Variants in FAT3 observed in about 807,000 individuals in gnomAD.
FAT3 encodes the protein protocadherin Fat 3.
Under a neutral mutation model 310.2 loss-of-function variants are expected in FAT3, and 95 were observed. The observed-to-expected ratio is 0.31, with a 90% CI of 0.26 to 0.36. The LOEUF (loss-of-function observed/expected upper bound fraction) is 0.36. FAT3 is among the 10% of genes least tolerant of loss of function. FAT3 has a pLI of 1.00. For missense variants in FAT3, 5,408 were observed against 5,715.6 expected (o/e 0.95, Z 1.74); for synonymous variants, 2,314 against 2,192.9 (o/e 1.06, Z -1.54).
chr11:92,754,626 T>A (rs1420622299), intron 4 of FAT3, among the ~76,000 whole-genome samples: 2 of 16,686 alleles, frequency 1.2e-4, no homozygotes, highest in African/African-American at 1.0e-3. Flanking sequence ...AGACTCTGCC[T>A]CAAAAAAAAA....
At chr11:92,887,809 C>T (rs975260949) in intron 25 of FAT3, among the ~76,000 whole-genome samples, 9 of 152,008 alleles carry the variant, frequency 5.9e-5, no homozygotes, top group African/African-American at 2.2e-4. Context: ...GGTTGTTCTC[C>T]CCAGGGCAGG....
At chr11:92,358,375 C>T (rs1432899321) in intron 2 of FAT3, among the ~76,000 whole-genome samples, 1 of 152,108 alleles carries the variant, frequency 6.6e-6, no homozygotes, top group East Asian at 1.9e-4. Flanking sequence ...ACCCACATCT[C>T]CTCAATCCTA....
chr11:92,368,901 CATAT>C (rs55858349), intron 2 of FAT3, among the ~76,000 whole-genome samples: 1 of 140,544 alleles, frequency 7.1e-6, no homozygotes, highest in African/African-American at 2.7e-5. Flanking sequence ...TACACACACA[CATAT>C]ATATATACAC....
In FAT3 at chr11:92,255,232, G is replaced by T. The variant is rs113323211; in HGVS notation, c.-18+30058G>T. Among the ~76,000 whole-genome samples the T allele has an allele frequency of 1.1e-4, 17 of 151,576 alleles. 1 individual carries two copies. Among genetic ancestry groups the T allele is most frequent in the African/African-American group, 3.6e-4 (15 of 41,298 alleles). On this transcript the variant is annotated intron_variant, in intron 1 of 27. Coordinates refer to ENST00000525166, the MANE Select transcript of FAT3 (RefSeq NM_001367949.2). ...GTGTCCCCTCACAGGCCCCTCCCTG[G>T]GTTTGTAGCAGTGATCCTAACTTTA...
intron 3 of FAT3, among the ~76,000 whole-genome samples, chr11:92,598,338 G>C (rs1344658139): frequency 6.6e-6 from 1 of 150,828 alleles, no homozygotes; most frequent in Admixed American, 6.6e-5. Context: ...CAATCTTCCT[G>C]CCTCAGTCTC....
At chr11:92,877,014 G>C (rs1430789020) in intron 22 of FAT3, among the ~76,000 whole-genome samples, 2 of 152,204 alleles carry the variant, frequency 1.3e-5, no homozygotes, top group African/African-American at 4.8e-5. Flanking sequence ...GTGGCAGCTT[G>C]CTGTTACAAC....
At chr11:92,497,534 T>C (rs1952800930) in intron 2 of FAT3, among the ~76,000 whole-genome samples, 2 of 152,076 alleles carry the variant, frequency 1.3e-5, no homozygotes, top group African/African-American at 2.4e-5. Flanking sequence ...AGAGGGAAAC[T>C]GAGGCTGTGA....
At chr11:92,861,097 G>T (rs187088450) in intron 21 of FAT3, among the ~76,000 whole-genome samples, 1 of 152,188 alleles carries the variant, frequency 6.6e-6, no homozygotes, top group Non-Finnish European at 1.5e-5. Context: ...GGCCCCGGAA[G>T]CAGCATGCCT....
intron 1 of FAT3, among the ~76,000 whole-genome samples, chr11:92,320,885 G>A (rs1356669321): frequency 6.6e-6 from 1 of 151,430 alleles, no homozygotes; most frequent in Non-Finnish European, 1.5e-5. Flanking sequence ...AAAAAAGGGG[G>A]GGGTACTTAT....
chr11:92,372,226 G>A (rs1189703485), intron 2 of FAT3, among the ~76,000 whole-genome samples: 1 of 152,134 alleles, frequency 6.6e-6, no homozygotes, highest in Non-Finnish European at 1.5e-5. Flanking sequence ...CATCTGGTCA[G>A]TGTTCACATT....
chr11:92,799,102 C>G lies in FAT3; in HGVS notation c.6089C>G (p.Ser2030Cys), dbSNP rs1191800947. 6.2e-7 allele frequency: 1 copy of G among 1,613,962 alleles called. No individual in the cohort carries two copies. The highest frequency in any genetic ancestry group is 8.5e-7 in the Non-Finnish European group (1 of 1,179,872). The change falls in exon 10 of 28, where the codon TCT (serine) becomes TGT (cysteine). Residue 2030 changes from serine to cysteine, a missense_variant. Around this residue, in one of 5 missense-constraint regions of FAT3, gnomAD observed 4,588 missense variants for 4,809.8 expected, o/e 0.95. Transcript: ENST00000525166. ...CCAGGAAATAAGTTCAAGATAAAAT[C>G]TACCTCAGGGGTCATTCAGACGACT... ...LNPGNKFKIKSTSGVIQTTGV... is the reference protein window; with the variant it reads ...LNPGNKFKIKCTSGVIQTTGV...
At chr11:92,889,064 G>A (rs939761776) in intron 25 of FAT3, 125 bp from the exon 26 acceptor site, 1 of 537,384 alleles carries the variant, frequency 1.9e-6, no homozygotes, top group Non-Finnish European at 3.3e-6. Context: ...GGAGGCTTTG[G>A]GTGTTTGCAT....
intron 2 of FAT3, among the ~76,000 whole-genome samples, chr11:92,463,009 G>T (rs1951673195): frequency 6.6e-6 from 1 of 152,172 alleles, no homozygotes; most frequent in Admixed American, 6.5e-5. Flanking sequence ...ATTGTGCAAA[G>T]AAACAAGATG....
At chr11:92,322,388 G>C (rs943862525) in intron 1 of FAT3, among the ~76,000 whole-genome samples, 1 of 152,146 alleles carries the variant, frequency 6.6e-6, no homozygotes, top group Non-Finnish European at 1.5e-5. Flanking sequence ...GTCTTGCCTC[G>C]ATGTTGATGG....
At chr11:92,319,870 G>A (rs1462454026) in intron 1 of FAT3, among the ~76,000 whole-genome samples, 1 of 152,164 alleles carries the variant, frequency 6.6e-6, no homozygotes, top group East Asian at 1.9e-4. Flanking sequence ...GTGAAAACAT[G>A]TTAATAGTTA....
intron 3 of FAT3, among the ~76,000 whole-genome samples, chr11:92,681,777 C>T (rs188555162): frequency 4.6e-5 from 7 of 152,214 alleles, no homozygotes; most frequent in East Asian, 3.9e-4. Context: ...AAGAGCTCAA[C>T]GGCTTAAGAC....
chr11:92,439,527 G>GAT (rs774727963), intron 2 of FAT3, among the ~76,000 whole-genome samples: 1 of 152,044 alleles, frequency 6.6e-6, no homozygotes, highest in Non-Finnish European at 1.5e-5. Flanking sequence ...TGCAAGAATG[G>GAT]ATATGACAGG....
At chr11:92,693,982 A>G (rs966503967) in intron 3 of FAT3, among the ~76,000 whole-genome samples, 1 of 152,160 alleles carries the variant, frequency 6.6e-6, no homozygotes, top group Admixed American at 6.5e-5. Context: ...ACCTTTTCCA[A>G]ACATAAAAGA....
intron 13 of FAT3, among the ~76,000 whole-genome samples, chr11:92,811,662 A>G (rs1947676506): frequency 6.6e-6 from 1 of 152,158 alleles, no homozygotes; most frequent in African/African-American, 2.4e-5. Context: ...ACTTTAAGGA[A>G]CCAAAACTGG....
Sources: allele counts gnomAD v4.1 joint callset (sites outside exome capture counted in the v4.1 genomes callset), GRCh38; gene constraint gnomAD v4.1.1; regional missense constraint gnomAD v4.1.1; transcripts MANE v1.5; gene names NCBI Gene and HGNC (gene_info 2026-07-23, HGNC 2026-07-21).